The following POLR1A variants were observed in gnomAD, a reference collection of about 807,000 sequenced individuals.
POLR1A encodes the protein RNA polymerase I subunit A.
POLR1A carries 84 observed loss-of-function variants against 205.3 expected under a neutral mutation model. That is an observed-to-expected ratio of 0.41 (90% confidence interval 0.34 to 0.49). The LOEUF is 0.49. Among genes scored for constraint, POLR1A ranks in the 20% least tolerant of loss-of-function variants. The pLI, the probability that POLR1A is intolerant of heterozygous loss-of-function variation, is 0.22. For synonymous variants in POLR1A, 799 were observed against 863.7 expected, an observed-to-expected ratio of 0.93 and a Z score of 1.31; for missense variants, 1,645 against 2,204.5, an observed-to-expected ratio of 0.75 and a Z score of 5.08.
At chr2:86,074,158 G>A (rs1258768920) in intron 12 of POLR1A, among the ~76,000 whole-genome samples, 1 of 152,220 alleles carries the variant, frequency 6.6e-6, no homozygotes, top group African/African-American at 2.4e-5. Flanking sequence ...CCGCCGCAAG[G>A]CCAGGAGCAT....
Position 86,033,802 on chromosome 2 carries a change from A to G in POLR1A, c.4035-15T>C, listed in dbSNP as rs1672445098. The G allele has an allele frequency of 6.2e-7, 1 of 1,613,368 alleles. No homozygotes were observed. The highest frequency in any genetic ancestry group is 8.5e-7 in the Non-Finnish European group (1 of 1,179,906). On this transcript the variant is annotated splice_polypyrimidine_tract_variant and intron_variant, in intron 27 of 33. Transcript: ENST00000263857. Reference sequence around the variant, plus strand: ...GTTTAAAGAATCTAAAACAAGAAGAAAGCCAAAAAGCCCTGTGCAGTACCA... The same window carrying G: ...GTTTAAAGAATCTAAAACAAGAAGAGAGCCAAAAAGCCCTGTGCAGTACCA...
At chr2:86,045,867 G>C (rs1484792045) in intron 19 of POLR1A, 98 bp from the exon 20 acceptor site, 1 of 1,089,734 alleles carries the variant, frequency 9.2e-7, no homozygotes, top group Non-Finnish European at 1.3e-6. Flanking sequence ...TTGAAGAAAA[G>C]CTGCATGGAA....
intron 27 of POLR1A, among the ~76,000 whole-genome samples, chr2:86,036,471 G>A (rs1373552620): frequency 6.6e-6 from 1 of 152,142 alleles, no homozygotes; most frequent in Non-Finnish European, 1.5e-5. Context: ...CTGGGAGAAG[G>A]GAGGGTGGGG....
chr2:86,087,081 T>C (rs1673515714), intron 6 of POLR1A, among the ~76,000 whole-genome samples: 2 of 152,324 alleles, frequency 1.3e-5, no homozygotes, highest in African/African-American at 2.4e-5. Context: ...GTTTAGATAA[T>C]AGTGTTGCAC....
In POLR1A at chr2:86,023,618, T is replaced by C. The variant is rs939111180; in HGVS notation, c.*3805A>G. On this transcript the variant is annotated 3_prime_UTR_variant, in exon 34 of 34. Transcript: ENST00000263857. ...GAGAAATTGAAATTGTTGTACACCGTTGGTGGGAACATAAAATGGTGTAGC... is the reference window on the plus strand; with the variant it reads ...GAGAAATTGAAATTGTTGTACACCGCTGGTGGGAACATAAAATGGTGTAGC... 2.6e-5 allele frequency: 4 copies of C among 152,188 alleles called. No homozygotes were observed. Among genetic ancestry groups the C allele is most frequent in the Non-Finnish European group, 5.9e-5 (4 of 68,032 alleles). 9.4% of individuals were successfully genotyped at this position (152,188 alleles called of 1,614,324 possible). A position where few individuals can be genotyped will look rare whatever the true frequency, so the allele number is the denominator to read the frequency against.
chr2:86,023,970 G>T lies in POLR1A; in HGVS notation c.*3453C>A. 6.6e-6 allele frequency: 1 copy of T among 152,576 alleles called. No homozygotes were observed. The highest frequency in any genetic ancestry group is 2.1e-4 in the South Asian group (1 of 4,860). The allele number at this position is 152,576 out of a possible 1,614,324, so 9.5% of individuals were successfully genotyped here. A position where few individuals can be genotyped will look rare whatever the true frequency, so the allele number is the denominator to read the frequency against. ...TTGCCATGTTGGCCAGGGTGGTCTCGAATCCTGACCTCAGATGATCTGCCC... is the reference window on the plus strand; with the variant it reads ...TTGCCATGTTGGCCAGGGTGGTCTCTAATCCTGACCTCAGATGATCTGCCC... On this transcript the variant is annotated 3_prime_UTR_variant, in exon 34 of 34. Transcript: ENST00000263857.
intron 1 of POLR1A, among the ~76,000 whole-genome samples, chr2:86,102,794 A>C (rs576002906): frequency 6.6e-6 from 1 of 152,350 alleles, no homozygotes; most frequent in South Asian, 2.1e-4. Context: ...CAGTCAGTAG[A>C]GTTTGAGATC....
intron 9 of POLR1A, 31 bp downstream of exon 9, chr2:86,080,785 C>A: frequency 6.3e-7 from 1 of 1,578,202 alleles, no homozygotes; most frequent in Non-Finnish European, 8.6e-7. Context: ...AGCATGTGTG[C>A]TCATCACATC....
chr2:86,063,359 A>AAG (rs1433451166), intron 14 of POLR1A, among the ~76,000 whole-genome samples: 3 of 149,614 alleles, frequency 2.0e-5, no homozygotes, highest in East Asian at 3.9e-4. Context: ...AAAAAAAAAA[A>AAG]AAAGAAAGAA....
intron 9 of POLR1A, 28 bp from the exon 10 acceptor site, chr2:86,078,312 A>T: frequency 6.5e-7 from 1 of 1,546,288 alleles, no homozygotes; most frequent in Non-Finnish European, 8.7e-7. Context: ...GAAAACAGGG[A>T]TGATGGAAAA....
intron 14 of POLR1A, among the ~76,000 whole-genome samples, chr2:86,064,252 C>A (rs1673048582): frequency 6.6e-6 from 1 of 151,958 alleles, no homozygotes; most frequent in South Asian, 2.1e-4. Context: ...AAGAGAAAAA[C>A]CATGTTTAGA....
intron 13 of POLR1A, among the ~76,000 whole-genome samples, chr2:86,069,549 G>A (rs1035722430): frequency 1.3e-5 from 2 of 152,152 alleles, no homozygotes; most frequent in African/African-American, 4.8e-5. Context: ...GATTCAAAGG[G>A]GACAGAAGAT....
At chr2:86,048,047 C>G (rs1420903560) in intron 18 of POLR1A, among the ~76,000 whole-genome samples, 1 of 152,210 alleles carries the variant, frequency 6.6e-6, no homozygotes, top group East Asian at 1.9e-4. Context: ...CAAAACCCCT[C>G]AAGGATGGAA....
Position 86,041,915 on chromosome 2 carries a change from A to G in POLR1A, c.3546T>C (p.Tyr1182=), listed in dbSNP as rs371367011. ...TGTCGAGAGAAAGCTCTGATTTCTC[A>G]TAACTCTTCTCTGTTTGAGCTGCCC... ...QEWAAQTEKS[Y]EKSELSLDRL... Residue 1182 remains tyrosine (Y), a synonymous_variant, in exon 24 of 34, where the codon TAT becomes TAC. Transcript: ENST00000263857. 1.1e-5 allele frequency: 17 copies of G among 1,613,964 alleles called. No homozygotes were observed. Among genetic ancestry groups the G allele is most frequent in the Non-Finnish European group, 1.2e-5 (14 of 1,179,896 alleles).
intron 21 of POLR1A, 46 bp from the exon 22 acceptor site, chr2:86,044,350 C>T: frequency 1.9e-6 from 3 of 1,606,786 alleles, no homozygotes; most frequent in Non-Finnish European, 2.6e-6. Context: ...CATCACCTCC[C>T]CAGGGCAGCC....
chr2:86,055,185 C>T (rs1573813917), intron 14 of POLR1A, among the ~76,000 whole-genome samples: 2 of 152,138 alleles, frequency 1.3e-5, no homozygotes, highest in Admixed American at 1.3e-4. Flanking sequence ...CTTCCAGCTA[C>T]TCAGGAGGCT....
chr2:86,068,393 G>T lies in POLR1A; in HGVS notation c.1866+1625C>A, dbSNP rs111271852. Among the ~76,000 whole-genome samples, 357 of 115,802 alleles carry T rather than the reference G, an allele frequency of 3.1e-3. 92 individuals are homozygous for T. The highest frequency in any genetic ancestry group is 6.5e-3 in the South Asian group (16 of 2,454). 76.0% of individuals were successfully genotyped at this position (115,802 alleles called of 152,430 possible). ...CACAGCCAAGCACATGGGCGGGGGG[G>T]GGGGGCGGGTGTCGTCCAAAGCTGC... On this transcript the variant is annotated intron_variant, in intron 13 of 33. Transcript: ENST00000263857.
chr2:86,061,531 C>T (rs1034446924), intron 14 of POLR1A, among the ~76,000 whole-genome samples: 1 of 152,188 alleles, frequency 6.6e-6, no homozygotes, highest in Admixed American at 6.5e-5. Flanking sequence ...TAGTTACCCA[C>T]TGAAATGTAT....
intron 14 of POLR1A, among the ~76,000 whole-genome samples, chr2:86,062,864 C>G (rs1318017945): frequency 2.0e-5 from 3 of 152,000 alleles, no homozygotes; most frequent in Non-Finnish European, 4.4e-5. Flanking sequence ...CCACTACAGG[C>G]AATACAGATA....
Sources: allele counts gnomAD v4.1 joint callset (sites outside exome capture counted in the v4.1 genomes callset), GRCh38; gene constraint gnomAD v4.1.1; transcripts MANE v1.5; gene names NCBI Gene and HGNC (gene_info 2026-07-23, HGNC 2026-07-21).